TEKT4: variants seen among roughly 807,000 people sequenced by gnomAD.
The protein encoded by TEKT4 is tektin-4.
Under a neutral mutation model 46.0 loss-of-function variants are expected in TEKT4, and 46 were observed. The ratio of observed to expected loss-of-function variants is 1.00; its 90% CI spans 0.79 to 1.28. TEKT4 has a LOEUF of 1.28. Among genes scored for constraint, TEKT4 ranks in the 50% most tolerant of loss-of-function variants. The probability of loss-of-function intolerance (pLI) is 0.00; values close to 1 mark genes in which losing one functional copy is unlikely to be tolerated. For missense variants in TEKT4, 790 were observed against 622.9 expected (o/e 1.27, Z -2.85); for synonymous variants, 325 against 265.8 (o/e 1.22, Z -2.17).
chr2:94,875,513 G>A lies in TEKT4; in HGVS notation c.937-75G>A, dbSNP rs533724407. 163 of 1,590,136 alleles carry A rather than the reference G, an allele frequency of 1.0e-4. 3 individuals carry two copies. In the South Asian group the frequency reaches 1.7e-3, roughly 16 times the overall value. On this transcript the variant is annotated intron_variant, in intron 4 of 5. Coordinates refer to ENST00000295201, the MANE Select transcript of TEKT4 (RefSeq NM_144705.4). The stretch of plus-strand genomic sequence containing the variant: ...TGGACACAGCCCCAAGACCTGGGTA[G>A]GACCAGCCTGGTCTCGGCGTTCTAT...
At chr2:94,875,366 G>A (rs1553396099) in intron 4 of TEKT4, among the ~76,000 whole-genome samples, 1 of 152,142 alleles carries the variant, frequency 6.6e-6, no homozygotes, top group Non-Finnish European at 1.5e-5. Context: ...CCAAGGATGG[G>A]GGTTCTTGGA....
chr2:94,876,366 A>C (rs78930312), intron 5 of TEKT4, among the ~76,000 whole-genome samples, 187 bp from the exon 6 acceptor site: 1 of 152,106 alleles, frequency 6.6e-6, no homozygotes, highest in Admixed American at 6.5e-5. Flanking sequence ...ACTCAGGCCC[A>C]CGCTCCCTGG....
rs1383283275 is a variant in TEKT4 at position 94,871,596 on chromosome 2, CGCCCTGCGAGCT to C, written c.25_36del (p.Glu9_Cys12del). 3.7e-6 allele frequency: 6 copies of C among 1,607,594 alleles called. No homozygotes were observed. Among genetic ancestry groups the C allele is most frequent in the Non-Finnish European group, 5.1e-6 (6 of 1,177,578 alleles). ...GCAGGCACCATGGCGCAGACAGTGC[CGCCCTGCGAGCT>C]GCCCTGCAAAGAGTACGACGTGGCC... On this transcript the variant is annotated inframe_deletion, in exon 1 of 6. Coordinates refer to ENST00000295201, the MANE Select transcript of TEKT4 (RefSeq NM_144705.4).
chr2:94,876,016 G>A (rs113457672), intron 5 of TEKT4, among the ~76,000 whole-genome samples: 2 of 152,202 alleles, frequency 1.3e-5, no homozygotes, highest in Non-Finnish European at 2.9e-5. Flanking sequence ...CTTCCCGGGA[G>A]GAAGCTCCTT....
In TEKT4 at chr2:94,875,660, C is replaced by A; in HGVS notation, c.1009C>A (p.Pro337Thr). The change falls in exon 5 of 6, where the codon CCT becomes ACT. Residue 337 changes from proline to threonine, a missense_variant. Transcript: ENST00000295201. ...GCAGGCCATCAAGGACAAAGAGGCA[C>A]CTCTGCACGTAGCCCAGACCCGGCT... The part of the protein sequence containing the change: ...LKQAIKDKEA[P>T]LHVAQTRLYL... 2 of 1,614,182 alleles carry A rather than the reference C, an allele frequency of 1.2e-6. No individual in the cohort carries two copies. The highest frequency in any genetic ancestry group is 1.7e-6 in the Non-Finnish European group (2 of 1,180,012).
rs138097609 is a variant in TEKT4 at position 94,876,779 on chromosome 2, C to T, written c.*10C>T. 30 of 1,601,804 alleles carry T rather than the reference C, an allele frequency of 1.9e-5. No homozygotes were observed. Among genetic ancestry groups the T allele is most frequent in the African/African-American group, 8.0e-5 (6 of 74,982 alleles). On this transcript the variant is annotated 3_prime_UTR_variant, in exon 6 of 6. Coordinates refer to ENST00000295201, the MANE Select transcript of TEKT4 (RefSeq NM_144705.4). ...GGCTGGCTACCAGTGAGCAGCGGCA[C>T]GGTGCTTCCCCCCAGTCCCCCAAAT... is the stretch of plus-strand genomic sequence containing the variant.
intron 4 of TEKT4, among the ~76,000 whole-genome samples, chr2:94,875,199 A>T (rs1167293202): frequency 1.3e-5 from 2 of 152,086 alleles, no homozygotes; most frequent in African/African-American, 4.8e-5. Flanking sequence ...AGCTGTGGGG[A>T]GGATGGAGGC....
At chr2:94,875,970 G>A (rs1473848150) in intron 5 of TEKT4, among the ~76,000 whole-genome samples, 2 of 152,182 alleles carry the variant, frequency 1.3e-5, no homozygotes, top group African/African-American at 4.8e-5. Context: ...AGGGACCTGT[G>A]CCCACGTGGT....
chr2:94,873,878 G>T, intron 2 of TEKT4, 87 bp from the exon 3 acceptor site: 2 of 1,557,014 alleles, frequency 1.3e-6, no homozygotes, highest in Non-Finnish European at 1.7e-6. Context: ...TCCTGAGGCA[G>T]GCATTGGGGC....
intron 3 of TEKT4, among the ~76,000 whole-genome samples, chr2:94,874,390 A>G (rs1375157262): frequency 6.6e-6 from 1 of 151,638 alleles, no homozygotes; most frequent in Non-Finnish European, 1.5e-5. Context: ...AGGGAGCCTG[A>G]CCACCGCCCA....
At position 94,873,966 on chromosome 2, in the gene TEKT4, C is replaced by G; in HGVS notation, c.571C>G (p.Leu191Val). The G allele has an allele frequency of 6.2e-7, 1 of 1,613,320 alleles. No individual in the cohort carries two copies. The highest frequency in any genetic ancestry group is 8.5e-7 in the Non-Finnish European group (1 of 1,179,632). The change falls in exon 3 of 6, where the codon CTG becomes GTG. Residue 191 changes from leucine (L) to valine (V), a missense_variant and splice_region_variant. Physicochemically the swap from Leu to Val is conservative, Grantham distance 32. Transcript: ENST00000295201. ...AGGCCCTGCCCCACCCCGCCCCAGA[C>G]TGAACCGGGAGCACAAGGAGACCTG... ...TIMQAVSQIR[L>V]NREHKETCEM...
In TEKT4 at chr2:94,875,710, C is replaced by G. The variant is rs782215450; in HGVS notation, c.1059C>G (p.Asn353Lys). 1.9e-5 allele frequency: 31 copies of G among 1,614,058 alleles called. No individual in the cohort carries two copies. Among genetic ancestry groups the G allele is most frequent in the Non-Finnish European group, 2.0e-5 (24 of 1,179,994 alleles). Residue 353 changes from asparagine (N) to lysine (K), a missense_variant, in exon 5 of 6, where the codon AAC becomes AAG. By Grantham distance (94) the Asn-to-Lys change is moderately conservative (BLOSUM62 0). Transcript: ENST00000295201. ...TRLYLRSHRP[N>K]MELCRDAAQF... Reference sequence around the variant, plus strand: ...TGTACCTGCGCTCGCACCGGCCCAACATGGAGCTGTGCCGTGACGCAGCCC... The same window carrying G: ...TGTACCTGCGCTCGCACCGGCCCAAGATGGAGCTGTGCCGTGACGCAGCCC...
At chr2:94,876,253 G>T (rs184809214) in intron 5 of TEKT4, among the ~76,000 whole-genome samples, 1 of 152,152 alleles carries the variant, frequency 6.6e-6, no homozygotes, top group East Asian at 1.9e-4. Flanking sequence ...GGAACTGGGG[G>T]CCTCCTTCCA....
chr2:94,872,094 G>A lies in TEKT4; in HGVS notation c.498+17G>A. 1 of 1,524,708 alleles carries A rather than the reference G, an allele frequency of 6.6e-7. No homozygotes were observed. The allele number at this position is 1,524,708 out of a possible 1,614,324, so 94.4% of individuals were successfully genotyped here. A position where few individuals can be genotyped will look rare whatever the true frequency, so the allele number is the denominator to read the frequency against. ...CTGCTGAAGGTGCCAGCACCCTTGG[G>A]TGGCCGGGATTTGTGGGCGCAGAGA... On this transcript the variant is annotated intron_variant, in intron 1 of 5. Transcript: ENST00000295201.
rs1680720504 is a variant in TEKT4, at chr2:94,874,255, G to A, written c.713+147G>A. 9 of 849,378 alleles carry A rather than the reference G, an allele frequency of 1.1e-5. No individual in the cohort carries two copies. The South Asian group carries it at 1.4e-4, about 13-fold the overall frequency. 52.6% of individuals were successfully genotyped at this position (849,378 alleles called of 1,614,324 possible). ...GGGCAACTGTCTGCCCCTGGCATGA[G>A]CAAGCGACCAAGACCTCCTCAAATG... On this transcript the variant is annotated intron_variant, in intron 3 of 5. Coordinates refer to ENST00000295201, the MANE Select transcript of TEKT4 (RefSeq NM_144705.4).
In TEKT4 at chr2:94,876,759, G is replaced by A. The variant is rs1453871356; in HGVS notation, c.1298G>A (p.Gly433Asp). Residue 433 changes from glycine (G) to aspartate (D), a missense_variant, in exon 6 of 6, where the codon GGC becomes GAC. Transcript: ENST00000295201. ...TACCCCACCATCCTGCAGCTGGCTG[G>A]CTACCAGTGAGCAGCGGCACGGTGC... ...TRYPTILQLA[G>D]YQ is the part of the protein sequence containing the mutation. The A allele has an allele frequency of 6.2e-7, 1 of 1,606,888 alleles. No individual in the cohort carries two copies. The highest frequency in any genetic ancestry group is 8.5e-7 in the Non-Finnish European group (1 of 1,179,918).
chr2:94,873,941 A>G, intron 2 of TEKT4, 24 bp from the exon 3 acceptor site: 2 of 1,613,226 alleles, frequency 1.2e-6, no homozygotes, highest in Non-Finnish European at 1.7e-6. Context: ...GCACACATCA[A>G]GGCCCTGCCC....
At chr2:94,873,859 A>G (rs1680695207) in intron 2 of TEKT4, 106 bp from the exon 3 acceptor site, 2 of 1,495,596 alleles carry the variant, frequency 1.3e-6, no homozygotes, top group East Asian at 2.4e-5. Flanking sequence ...AGGCCCACCC[A>G]GAACTCCCTC....
At position 94,874,841 on chromosome 2, in the gene TEKT4, G is replaced by A. The variant is rs201996859; in HGVS notation, c.779G>A (p.Arg260His). 43 of 1,607,010 alleles carry A rather than the reference G, an allele frequency of 2.7e-5. No homozygotes were observed. The highest frequency in any genetic ancestry group is 1.3e-4 in the South Asian group (12 of 89,746). Residue 260 changes from arginine to histidine, a missense_variant, in exon 4 of 6, where the codon CGC (arginine) becomes CAC (histidine). Physicochemically the swap from Arg to His is conservative, Grantham distance 29. Transcript: ENST00000295201. ...QDNLCRAQRE[R>H]LASANLRVLV... ...AATCTGTGCCGTGCCCAGCGCGAGCGCCTGGCCTCGGCCAACCTGCGGGTG... is the reference window on the plus strand; with the variant it reads ...AATCTGTGCCGTGCCCAGCGCGAGCACCTGGCCTCGGCCAACCTGCGGGTG...
Sources: allele counts gnomAD v4.1 joint callset (sites outside exome capture counted in the v4.1 genomes callset), GRCh38; gene constraint gnomAD v4.1.1; transcripts MANE v1.5; gene names NCBI Gene and HGNC (gene_info 2026-07-23, HGNC 2026-07-21).